The following FAM178B variants were observed in gnomAD, a reference collection of about 807,000 sequenced individuals.
FAM178B encodes the protein protein FAM178B.
FAM178B carries 82 observed loss-of-function variants against 91.7 expected under a neutral mutation model. That is an observed-to-expected ratio of 0.89 (90% CI 0.75 to 1.07). FAM178B has a LOEUF of 1.07. Among genes scored for constraint, FAM178B ranks in the 50% least tolerant of loss-of-function variants. The pLI is 0.00. For synonymous variants in FAM178B, 368 were observed against 359.4 expected (o/e 1.02, Z -0.27); for missense variants, 769 against 846.7 (o/e 0.91, Z 1.14).
intron 5 of FAM178B, among the ~76,000 whole-genome samples, chr2:96,964,988 T>G (rs1471432716): frequency 6.6e-6 from 1 of 152,066 alleles, no homozygotes; most frequent in Non-Finnish European, 1.5e-5. Context: ...TCCGGTTTGG[T>G]GGCTTTATTT....
chr2:96,887,175 A>G (rs2314651), intron 14 of FAM178B, among the ~76,000 whole-genome samples: 27,450 of 152,088 alleles, frequency 0.18, 3,019 homozygotes, highest in African/African-American at 0.31. Context: ...AGATCATGCC[A>G]CTGCACTCCA....
intron 1 of FAM178B, among the ~76,000 whole-genome samples, chr2:96,979,957 C>T (rs1410357591): frequency 6.6e-6 from 1 of 152,190 alleles, no homozygotes; most frequent in African/African-American, 2.4e-5. Context: ...AAAGTTTTAT[C>T]CTCCTACTAG....
At chr2:96,923,896 C>T (rs968383181) in intron 9 of FAM178B, among the ~76,000 whole-genome samples, 3 of 152,250 alleles carry the variant, frequency 2.0e-5, no homozygotes, top group Admixed American at 6.5e-5. Context: ...GCCCCAGGGC[C>T]TCTCCACAGA....
At chr2:96,958,334 T>C (rs1004448102) in intron 6 of FAM178B, among the ~76,000 whole-genome samples, 11 of 152,100 alleles carry the variant, frequency 7.2e-5, no homozygotes, top group Non-Finnish European at 1.6e-4. Context: ...CCTCCCAAAG[T>C]GTTGGGGTTA....
intron 8 of FAM178B, among the ~76,000 whole-genome samples, chr2:96,942,381 G>C (rs1027658130): frequency 6.6e-5 from 10 of 152,190 alleles, no homozygotes; most frequent in Admixed American, 4.6e-4. Context: ...GAAATGGAAA[G>C]GACCCCAAAC....
At chr2:96,960,190 G>T in intron 6 of FAM178B, 98 bp downstream of exon 6, 1 of 1,381,100 alleles carries the variant, frequency 7.2e-7, no homozygotes, top group Non-Finnish European at 9.7e-7. Context: ...TCACCTCTTC[G>T]AACTTCCCCC....
intron 13 of FAM178B, among the ~76,000 whole-genome samples, chr2:96,900,579 C>T (rs923963509): frequency 4.6e-5 from 7 of 152,102 alleles, no homozygotes; most frequent in Admixed American, 3.9e-4. Flanking sequence ...GGGTGGCCAC[C>T]AGGAGTGACT....
At chr2:96,923,395 C>A in intron 10 of FAM178B, 95 bp downstream of exon 10, 1 of 978,206 alleles carries the variant, frequency 1.0e-6, no homozygotes, top group Non-Finnish European at 1.6e-6. Context: ...CTGAGCTCGC[C>A]GGAGATTCTC....
At chr2:96,913,553 C>A (rs1011134693) in intron 12 of FAM178B, among the ~76,000 whole-genome samples, 2 of 152,192 alleles carry the variant, frequency 1.3e-5, no homozygotes, top group African/African-American at 2.4e-5. Context: ...AGCCACGGTG[C>A]ATCTGCGCCT....
chr2:96,971,258 CCT>C (rs1294969515), intron 3 of FAM178B, among the ~76,000 whole-genome samples: 4 of 146,200 alleles, frequency 2.7e-5, no homozygotes, highest in Middle Eastern at 3.2e-3. Context: ...TCCCTCCCTC[CCT>C]CTCTCTCCTT....
chr2:96,984,181 C>T (rs1352105264), intron 1 of FAM178B, among the ~76,000 whole-genome samples: 2 of 152,038 alleles, frequency 1.3e-5, no homozygotes, highest in African/African-American at 2.4e-5. Flanking sequence ...AGGCTGGTCT[C>T]GATCTCCTGA....
chr2:96,910,788 CTCT>C (rs1045228026), intron 12 of FAM178B, among the ~76,000 whole-genome samples: 24 of 151,306 alleles, frequency 1.6e-4, no homozygotes, highest in South Asian at 6.2e-4. Flanking sequence ...TGAGACATCT[CTCT>C]TCTTAATTTT....
chr2:96,906,079 C>T (rs2081049982), intron 12 of FAM178B, among the ~76,000 whole-genome samples: 1 of 149,034 alleles, frequency 6.7e-6, no homozygotes, highest in Non-Finnish European at 1.5e-5. Context: ...CCATGTTGGT[C>T]AGGCTGGTCT....
chr2:96,894,015 G>T lies in FAM178B; in HGVS notation c.1687C>A (p.Pro563Thr). Residue 563 changes from proline (P) to threonine (T), a missense_variant, in exon 14 of 17, where the codon CCA becomes ACA. Pro to Thr is a conservative substitution (Grantham distance 38). Coordinates refer to ENST00000490605, the MANE Select transcript of FAM178B (RefSeq NM_001122646.3). ...TCCAGGTATTGCCTGAGAGATGATG[G>T]CCTCATGAGGCCCAGGAGCCGGCTG... ...SLSRLLGLMR[P>T]SSLRQYLDSV... The T allele has an allele frequency of 1.2e-6, 2 of 1,612,406 alleles. No homozygotes were observed. The highest frequency in any genetic ancestry group is 2.2e-5 in the East Asian group (1 of 44,840).
intron 14 of FAM178B, among the ~76,000 whole-genome samples, chr2:96,879,637 C>T (rs557649350): frequency 1.3e-5 from 2 of 152,374 alleles, no homozygotes; most frequent in South Asian, 2.1e-4. Context: ...CTGCCTGGGA[C>T]GCAGCCTGTT....
chr2:96,921,404 C>A, intron 11 of FAM178B, 74 bp downstream of exon 11: 2 of 1,528,616 alleles, frequency 1.3e-6, no homozygotes, highest in Non-Finnish European at 1.8e-6. Flanking sequence ...CCATCCCCAC[C>A]CAGGGCACTC....
Position 96,960,384 on chromosome 2 carries a change from C to G in FAM178B, c.791G>C (p.Gly264Ala), listed in dbSNP as rs1317404997. 2 of 1,551,884 alleles carry G rather than the reference C, an allele frequency of 1.3e-6. No individual in the cohort carries two copies. The highest frequency in any genetic ancestry group is 2.4e-5 in the South Asian group (2 of 84,060). Residue 264 changes from glycine to alanine, a missense_variant, in exon 6 of 17, where the codon GGT becomes GCT. By Grantham distance (60) the Gly-to-Ala change is moderately conservative. Coordinates refer to ENST00000490605, the MANE Select transcript of FAM178B (RefSeq NM_001122646.3). ...SLQTIPPVHP[G>A]ETVFLPRCHP... ...ACACCTGGGCAGAAACACAGTCTCA[C>G]CTGGATGGACCGGCGGGATGGTCTG... is the stretch of plus-strand genomic sequence containing the variant.
At position 96,912,211 on chromosome 2, in the gene FAM178B, C is replaced by T. The variant is rs547173336; in HGVS notation, c.1562+8954G>A. ...CAGGGTCCTTCGGAGACATCCTCAACTAAGGCAACGGGGAAGATCTTTGTG... is the reference window on the plus strand; with the variant it reads ...CAGGGTCCTTCGGAGACATCCTCAATTAAGGCAACGGGGAAGATCTTTGTG... On this transcript the variant is annotated intron_variant, in intron 12 of 16. Transcript: ENST00000490605. 4.6e-5 allele frequency among the ~76,000 whole-genome samples: 7 copies of T among 152,240 alleles called. No individual in the cohort carries two copies. The South Asian group carries it at 1.0e-3, about 23-fold the overall frequency.
At chr2:96,949,575 G>C (rs908501532) in intron 7 of FAM178B, among the ~76,000 whole-genome samples, 1 of 152,022 alleles carries the variant, frequency 6.6e-6, no homozygotes, top group African/African-American at 2.4e-5. Context: ...AACCACCCTC[G>C]CACCTGCAGA....
Sources: allele counts gnomAD v4.1 joint callset (sites outside exome capture counted in the v4.1 genomes callset), GRCh38; gene constraint gnomAD v4.1.1; transcripts MANE v1.5; gene names NCBI Gene and HGNC (gene_info 2026-07-23, HGNC 2026-07-21).